AQP11: variants seen among roughly 807,000 people sequenced by gnomAD.
The protein encoded by AQP11 is aquaporin-11.
A neutral mutation model predicts 21.1 loss-of-function variants in AQP11; 20 were observed. That is an observed-to-expected ratio of 0.95 (90% CI 0.67 to 1.38). The LOEUF is 1.38. Among genes scored for constraint, AQP11 ranks in the 40% most tolerant of loss-of-function variants. AQP11 has a pLI of 0.00. For missense variants in AQP11, 339 were observed against 340.4 expected (o/e 1.00, Z 0.03); for synonymous variants, 167 against 150.1 (o/e 1.11, Z -0.82).
At chr11:77,607,835 A>G (rs917630143) in intron 2 of AQP11, among the ~76,000 whole-genome samples, 4 of 151,740 alleles carry the variant, frequency 2.6e-5, no homozygotes, top group African/African-American at 9.7e-5. Context: ...AGAAAATTCT[A>G]TTTGCTTCTA....
In AQP11 at chr11:77,602,742, C is replaced by A. The variant is rs73500747; in HGVS notation, c.620-814C>A. Among the ~76,000 whole-genome samples, 849 of 152,292 alleles carry A rather than the reference C, an allele frequency of 5.6e-3. 9 individuals are homozygous for A. The highest frequency in any genetic ancestry group is 0.02 in the African/African-American group (813 of 41,570). On this transcript the variant is annotated intron_variant, in intron 1 of 2. Coordinates refer to ENST00000313578, the MANE Select transcript of AQP11 (RefSeq NM_173039.3). ...ATGGTGCATGTCAATAATAAAACTT[C>A]TGAAGATCTCAGGATCTATCTCTGT...
intron 1 of AQP11, among the ~76,000 whole-genome samples, chr11:77,596,314 G>A (rs1212712064): frequency 1.3e-5 from 2 of 150,386 alleles, no homozygotes; most frequent in Admixed American, 6.6e-5. Context: ...GGTGGCGGGC[G>A]CCTGTAATCC....
At chr11:77,596,253 C>T (rs1958777629) in intron 1 of AQP11, among the ~76,000 whole-genome samples, 1 of 151,114 alleles carries the variant, frequency 6.6e-6, no homozygotes, top group Non-Finnish European at 1.5e-5. Context: ...AATTCAACGC[C>T]AACATGGTAA....
intron 1 of AQP11, among the ~76,000 whole-genome samples, chr11:77,599,880 C>G (rs1223978009): frequency 6.6e-6 from 1 of 152,112 alleles, no homozygotes; most frequent in South Asian, 2.1e-4. Flanking sequence ...GCCATCAAAC[C>G]CAGGCCCAAA....
intron 1 of AQP11, among the ~76,000 whole-genome samples, chr11:77,595,080 GC>G (rs1296125557): frequency 5.9e-5 from 9 of 152,304 alleles, no homozygotes; most frequent in African/African-American, 2.2e-4. Context: ...GGTGGCTCAC[GC>G]CTGTAATCTC....
chr11:77,601,530 T>G (rs1227722737), intron 1 of AQP11, among the ~76,000 whole-genome samples: 1 of 151,944 alleles, frequency 6.6e-6, no homozygotes, highest in Non-Finnish European at 1.5e-5. Flanking sequence ...TTGTATTTCT[T>G]ATAGAAACGG....
chr11:77,591,445 C>A, intron 1 of AQP11: 1 of 513,244 alleles, frequency 1.9e-6, no homozygotes, highest in Non-Finnish European at 2.5e-6. Flanking sequence ...TTATAAAAGA[C>A]TGTGGAGGCA....
intron 1 of AQP11, among the ~76,000 whole-genome samples, chr11:77,602,311 A>G (rs1180920671): frequency 6.6e-6 from 1 of 152,204 alleles, no homozygotes; most frequent in African/African-American, 2.4e-5. Flanking sequence ...ATCATAGGTC[A>G]TATTACATTA....
chr11:77,597,387 A>G (rs1246348776), intron 1 of AQP11, among the ~76,000 whole-genome samples: 1 of 152,146 alleles, frequency 6.6e-6, no homozygotes, highest in Non-Finnish European at 1.5e-5. Context: ...GCCTGGCCAA[A>G]ATGGCGAAAC....
chr11:77,596,459 T>TATATATGTAA (rs1554976402), intron 1 of AQP11, among the ~76,000 whole-genome samples: 168 of 130,318 alleles, frequency 1.3e-3, no homozygotes, highest in African/African-American at 4.2e-3. Context: ...AAAAAAAATA[T>TATATATGTAA]ATATATATAT....
chr11:77,594,703 A>G (rs1175254537), intron 1 of AQP11, among the ~76,000 whole-genome samples: 1 of 152,192 alleles, frequency 6.6e-6, no homozygotes, highest in African/African-American at 2.4e-5. Context: ...GGGTACATCA[A>G]AATAACTTAT....
rs1332997380 is a variant in AQP11 at position 77,590,566 on chromosome 11, C to T, written c.574C>T (p.Arg192Cys). 6.2e-7 allele frequency: 1 copy of T among 1,614,192 alleles called. No homozygotes were observed. The highest frequency in any genetic ancestry group is 2.2e-5 in the East Asian group (1 of 44,886). ...LHFQEVRTKLRIHLLAALITF... is the reference protein window; with the variant it reads ...LHFQEVRTKLCIHLLAALITF... ...CTTCCAGGAAGTCCGAACCAAGCTT[C>T]GTATCCACCTGCTGGCTGCACTCAT... The change falls in exon 1 of 3, where the codon CGT becomes TGT. Residue 192 changes from arginine (R) to cysteine (C), a missense_variant. Coordinates refer to ENST00000313578, the MANE Select transcript of AQP11 (RefSeq NM_173039.3).
rs73500733 is a variant in AQP11 at position 77,594,262 on chromosome 11, A to T, written c.619+3651A>T. Among the ~76,000 whole-genome samples, 754 of 152,312 alleles carry T rather than the reference A, an allele frequency of 5.0e-3. 8 individuals are homozygous for T. The highest frequency in any genetic ancestry group is 0.017 in the African/African-American group (721 of 41,576). On this transcript the variant is annotated intron_variant, in intron 1 of 2. Transcript: ENST00000313578. Reference sequence around the variant, plus strand: ...TATACAATTTTTAAGTTACAAAATGATGTTGTTGCCAAATAAATTTGGCAG... The same window carrying T: ...TATACAATTTTTAAGTTACAAAATGTTGTTGTTGCCAAATAAATTTGGCAG...
rs1958816202 is a variant in AQP11 at position 77,601,615 on chromosome 11, G to A, written c.620-1941G>A. On this transcript the variant is annotated intron_variant, in intron 1 of 2. Transcript: ENST00000313578. Reference sequence around the variant, plus strand: ...TCCACCCGCTTCAGCCTTCCAAGGTGTTAGGATTACAGGCATGAGCCACCA... The same window carrying A: ...TCCACCCGCTTCAGCCTTCCAAGGTATTAGGATTACAGGCATGAGCCACCA... 1.3e-5 allele frequency among the ~76,000 whole-genome samples: 2 copies of A among 152,148 alleles called. 1 individual carries two copies. The highest frequency in any genetic ancestry group is 4.1e-4 in the South Asian group (2 of 4,834).
Position 77,590,174 on chromosome 11 carries a change from CCCA to C in AQP11, c.184_186del (p.His62del). 6.2e-7 allele frequency: 1 copy of C among 1,604,596 alleles called. No individual in the cohort carries two copies. The highest frequency in any genetic ancestry group is 8.5e-7 in the Non-Finnish European group (1 of 1,176,850). The stretch of plus-strand genomic sequence containing the variant: ...GCCACCTTCCAGCTCTGCTGCTGCA[CCCA>C]CGAGCTGCAACTGCTGAGCGAACAG... On this transcript the variant is annotated inframe_deletion, in exon 1 of 3. Coordinates refer to ENST00000313578, the MANE Select transcript of AQP11 (RefSeq NM_173039.3).
chr11:77,600,884 C>T lies in AQP11; in HGVS notation c.620-2672C>T, dbSNP rs367698360. On this transcript the variant is annotated intron_variant, in intron 1 of 2. Transcript: ENST00000313578. ...AAAATTAGCCGGGCGTGGTGGCGGG[C>T]GCCTGTAGTCCCAGCTACTCGGGAG... is the stretch of plus-strand genomic sequence containing the variant. Among the ~76,000 whole-genome samples, 842 of 152,004 alleles carry T rather than the reference C, an allele frequency of 5.5e-3. 14 individuals carry two copies. Among genetic ancestry groups the T allele is most frequent in the African/African-American group, 0.019 (793 of 41,472 alleles).
intron 1 of AQP11, among the ~76,000 whole-genome samples, chr11:77,595,975 CAT>C (rs1376391374): frequency 6.6e-6 from 1 of 151,818 alleles, no homozygotes; most frequent in East Asian, 1.9e-4. Context: ...GAGAAGGGAA[CAT>C]ATGTTCTTTT....
At chr11:77,599,678 C>T (rs1005314436) in intron 1 of AQP11, among the ~76,000 whole-genome samples, 31 of 151,898 alleles carry the variant, frequency 2.0e-4, no homozygotes, top group Admixed American at 1.8e-3. Flanking sequence ...TCCGCCTCCC[C>T]GGCTCACAAG....
intron 1 of AQP11, among the ~76,000 whole-genome samples, chr11:77,600,378 A>C (rs1958808810): frequency 1.3e-5 from 2 of 152,182 alleles, no homozygotes; most frequent in African/African-American, 4.8e-5. Context: ...CAAGAGCCGG[A>C]AACAACTATC....
Sources: gnomAD v4.1 joint callset for allele counts (sites outside exome capture counted in the v4.1 genomes callset) on GRCh38, gnomAD v4.1.1 for gene constraint, MANE v1.5 for transcripts, NCBI Gene and HGNC (gene_info 2026-07-23, HGNC 2026-07-21) for gene names.